Variants in DLG2 observed in about 807,000 individuals in gnomAD.
DLG2 encodes the protein disks large homolog 2.
Under a neutral mutation model 132.5 loss-of-function variants are expected in DLG2, and 45 were observed. That is an observed-to-expected ratio of 0.34 (90% CI 0.27 to 0.44). The LOEUF is 0.44. DLG2 is among the 20% of genes least tolerant of loss of function. The pLI is 1.00. For missense variants in DLG2, 1,045 were observed against 1,196.9 expected (o/e 0.87, Z 1.87); for synonymous variants, 424 against 419.6 (o/e 1.01, Z -0.13).
chr11:83,864,508 C>T (rs1215696379), intron 16 of DLG2, among the ~76,000 whole-genome samples: 1 of 152,156 alleles, frequency 6.6e-6, no homozygotes, highest in African/African-American at 2.4e-5. Context: ...TTTGAGCAGT[C>T]TAATTCTCTA....
chr11:84,117,592 G>A (rs866528855), intron 9 of DLG2, among the ~76,000 whole-genome samples: 1 of 152,070 alleles, frequency 6.6e-6, no homozygotes, highest in African/African-American at 2.4e-5. Flanking sequence ...TGAGGCTTGT[G>A]TGACTCACCA....
intron 19 of DLG2, among the ~76,000 whole-genome samples, chr11:83,592,325 G>C (rs1225914): frequency 0.26 from 33,852 of 130,138 alleles, 5,395 homozygotes; most frequent in Admixed American, 0.4. Flanking sequence ...ACAGAGCCCT[G>C]AGAAATAACA....
chr11:85,256,138 C>G (rs1211711507), intron 4 of DLG2, among the ~76,000 whole-genome samples: 1 of 152,102 alleles, frequency 6.6e-6, no homozygotes, highest in Non-Finnish European at 1.5e-5. Context: ...TTTTGGCCAG[C>G]CACGCCCCCT....
chr11:84,636,590 A>T lies in DLG2; in HGVS notation c.358-101859T>A, dbSNP rs115647423. Among the ~76,000 whole-genome samples the T allele has an allele frequency of 2.5e-3, 379 of 152,346 alleles. 4 individuals are homozygous for T. Among genetic ancestry groups the T allele is most frequent in the African/African-American group, 8.7e-3 (363 of 41,592 alleles). On this transcript the variant is annotated intron_variant, in intron 6 of 27. Transcript: ENST00000376104. ...AATGACGGTTTTTATTATGCTAGGC[A>T]GAGGAAACATCATTTTCCTATTCTG...
chr11:83,847,129 G>T (rs1182242424), intron 16 of DLG2, among the ~76,000 whole-genome samples: 3 of 151,924 alleles, frequency 2.0e-5, no homozygotes, highest in Admixed American at 2.0e-4. Flanking sequence ...ATTATAACAG[G>T]AATAATTTTA....
chr11:84,780,253 AC>A lies in DLG2; in HGVS notation c.358-245523del, dbSNP rs796514576. On this transcript the variant is annotated intron_variant, in intron 6 of 27. Coordinates refer to ENST00000376104, the MANE Select transcript of DLG2 (RefSeq NM_001142699.3). The stretch of plus-strand genomic sequence containing the variant: ...ATATTCTCAAATTAATAAATATGAT[AC>A]ATCACATAAAATTAAGACAAAAACG... 9.6e-4 allele frequency among the ~76,000 whole-genome samples: 146 copies of A among 152,200 alleles called. 3 individuals are homozygous for A. The highest frequency in any genetic ancestry group is 3.3e-3 in the African/African-American group (139 of 41,576).
chr11:84,098,649 T>G (rs930355619), intron 10 of DLG2, among the ~76,000 whole-genome samples: 8 of 152,178 alleles, frequency 5.3e-5, no homozygotes, highest in African/African-American at 1.7e-4. Flanking sequence ...CCAACTAGAC[T>G]GAAGGCCTCA....
rs71036441 is a variant in DLG2, at chr11:84,777,281, GTATATATATATATATATATATATATA to G, written c.358-242576_358-242551del. On this transcript the variant is annotated intron_variant, in intron 6 of 27. Coordinates refer to ENST00000376104, the MANE Select transcript of DLG2 (RefSeq NM_001142699.3). The stretch of plus-strand genomic sequence containing the variant: ...TGTGTGTGTATGTATATGTGTGTGT[GTATATATATATATATATATATATATA>G]TATATATATATATATATACGTTTTC... Among the ~76,000 whole-genome samples the G allele has an allele frequency of 8.0e-4, 76 of 95,016 alleles. 1 individual carries two copies. Among genetic ancestry groups the G allele is most frequent in the African/African-American group, 2.6e-3 (65 of 24,554 alleles). The allele number at this position is 95,016 out of a possible 152,430, so 62.3% of individuals were successfully genotyped here.
At chr11:85,344,180 A>C (rs1321589735) in intron 3 of DLG2, among the ~76,000 whole-genome samples, 2 of 152,102 alleles carry the variant, frequency 1.3e-5, no homozygotes, top group Non-Finnish European at 2.9e-5. Flanking sequence ...CTATTGTCTT[A>C]AGTAGACCTG....
chr11:85,059,800 C>G (rs2063845204), intron 6 of DLG2, among the ~76,000 whole-genome samples: 1 of 151,612 alleles, frequency 6.6e-6, no homozygotes, highest in African/African-American at 2.4e-5. Context: ...ATCGATTTCT[C>G]TACCTGGGAA....
chr11:85,125,874 T>C (rs79385632), intron 5 of DLG2, among the ~76,000 whole-genome samples: 3,607 of 151,870 alleles, frequency 0.024, 59 homozygotes, highest in Middle Eastern at 0.051. Flanking sequence ...CCTTTCCTTA[T>C]GGAGTTTCTG....
intron 17 of DLG2, among the ~76,000 whole-genome samples, chr11:83,825,634 G>A (rs1397264525): frequency 6.6e-6 from 1 of 152,050 alleles, no homozygotes; most frequent in East Asian, 1.9e-4. Context: ...GTTCCTTTTC[G>A]AGGAAATTCA....
chr11:83,725,731 C>T (rs1338566904), intron 18 of DLG2, among the ~76,000 whole-genome samples: 1 of 152,190 alleles, frequency 6.6e-6, no homozygotes, highest in East Asian at 1.9e-4. Context: ...AAACCATTTT[C>T]CAGGTACGCT....
At chr11:84,504,895 C>A (rs2099234262) in intron 7 of DLG2, among the ~76,000 whole-genome samples, 2 of 152,000 alleles carry the variant, frequency 1.3e-5, no homozygotes, top group South Asian at 2.1e-4. Context: ...TCAAATATAC[C>A]CTTCCCCCAA....
intron 12 of DLG2, among the ~76,000 whole-genome samples, chr11:83,972,222 A>G (rs1219088100): frequency 6.6e-6 from 1 of 152,152 alleles, no homozygotes; most frequent in Non-Finnish European, 1.5e-5. Flanking sequence ...TTGAACATAG[A>G]ATCAGATCAG....
chr11:85,064,358 T>A (rs1245073802), intron 6 of DLG2, among the ~76,000 whole-genome samples: 1 of 151,818 alleles, frequency 6.6e-6, no homozygotes, highest in Non-Finnish European at 1.5e-5. Context: ...TTTGCCTATA[T>A]ATAAAATCAT....
chr11:84,820,391 C>T (rs757044718), intron 6 of DLG2, among the ~76,000 whole-genome samples: 1 of 151,850 alleles, frequency 6.6e-6, no homozygotes, highest in African/African-American at 2.4e-5. Context: ...TTATCTTCTA[C>T]ATTGCTGCTG....
At chr11:85,137,690 T>G (rs1373442030) in intron 5 of DLG2, among the ~76,000 whole-genome samples, 1 of 152,120 alleles carries the variant, frequency 6.6e-6, no homozygotes. Flanking sequence ...GGACTCCACA[T>G]TAGAAAGATT....
At chr11:84,341,027 A>T (rs1432492163) in intron 7 of DLG2, among the ~76,000 whole-genome samples, 1 of 152,152 alleles carries the variant, frequency 6.6e-6, no homozygotes, top group Non-Finnish European at 1.5e-5. Context: ...GCTAAGGGAA[A>T]TCCAACAACT....
Sources: allele counts gnomAD v4.1 joint callset (sites outside exome capture counted in the v4.1 genomes callset), GRCh38; gene constraint gnomAD v4.1.1; transcripts MANE v1.5; gene names NCBI Gene and HGNC (gene_info 2026-07-23, HGNC 2026-07-21).